The following AKNAD1 variants were observed in gnomAD, a reference collection of about 807,000 sequenced individuals.
AKNAD1 encodes AKNA domain containing 1, also known as protein AKNAD1.
Under a neutral mutation model 90.8 loss-of-function variants are expected in AKNAD1, and 67 were observed. The ratio of observed to expected loss-of-function variants is 0.74; its 90% confidence interval spans 0.61 to 0.90. The LOEUF (loss-of-function observed/expected upper bound fraction) is 0.90, where lower values mean the gene tolerates loss of function less well. AKNAD1 is among the 40% of genes least tolerant of loss of function. The pLI is 0.00. For synonymous variants in AKNAD1, 327 were observed against 341.4 expected (o/e 0.96, Z 0.46); for missense variants, 957 against 975.4 (o/e 0.98, Z 0.25).
In AKNAD1 at chr1:108,848,902, A is replaced by G. The variant is rs758195443; in HGVS notation, c.1182+10T>C. 1 of 1,599,774 alleles carries G rather than the reference A, an allele frequency of 6.3e-7. No homozygotes were observed. Among genetic ancestry groups the G allele is most frequent in the African/African-American group, 1.3e-5 (1 of 74,090 alleles). ...CTTATATTGTTTATAATAAGCTTTA[A>G]AAGTATTACTTTAGTCTTCAGTTGA... is the stretch of plus-strand genomic sequence containing the variant. On this transcript the variant is annotated intron_variant, in intron 4 of 15. Transcript: ENST00000370001.
intron 10 of AKNAD1, among the ~76,000 whole-genome samples, chr1:108,828,978 T>C (rs1156683523): frequency 6.6e-6 from 1 of 151,886 alleles, no homozygotes; most frequent in Admixed American, 6.6e-5. Context: ...GGGATAAGCA[T>C]ATTTTACATT....
In AKNAD1 at chr1:108,820,505, A is replaced by G. The variant is rs564921516; in HGVS notation, c.2249+40T>C. The G allele has an allele frequency of 2.7e-5, 36 of 1,356,522 alleles. No individual in the cohort carries two copies. In the South Asian group the frequency reaches 3.1e-4, roughly 12 times the overall value. 84.0% of individuals were successfully genotyped at this position (1,356,522 alleles called of 1,614,324 possible). A position where few individuals can be genotyped will look rare whatever the true frequency, so the allele number is the denominator to read the frequency against. On this transcript the variant is annotated intron_variant, in intron 14 of 15. Transcript: ENST00000370001. ...CAAGTACACTGTATCCACCCAACCA[A>G]TGAGAAATATTTTGTTACTGATAAT...
chr1:108,849,515 A>C, intron 3 of AKNAD1, 22 bp downstream of exon 3: 1 of 1,464,150 alleles, frequency 6.8e-7, no homozygotes, highest in Non-Finnish European at 9.6e-7. Context: ...TATATCTCAA[A>C]GAAGTTTTAA....
intron 14 of AKNAD1, among the ~76,000 whole-genome samples, chr1:108,819,751 A>T (rs79032396): frequency 5.8e-4 from 61 of 105,448 alleles, no homozygotes; most frequent in South Asian, 6.8e-4. Flanking sequence ...GTCTCTACAA[A>T]TTTTTTTTTT....
chr1:108,854,216 C>T (rs114641389), intron 1 of AKNAD1, among the ~76,000 whole-genome samples: 2,125 of 152,262 alleles, frequency 0.014, 32 homozygotes, highest in South Asian at 0.058. Flanking sequence ...TTAAAGCACC[C>T]ATTCAGATAT....
At chr1:108,853,432 G>C (rs997502773) in intron 1 of AKNAD1, among the ~76,000 whole-genome samples, 1 of 151,598 alleles carries the variant, frequency 6.6e-6, no homozygotes, top group African/African-American at 2.4e-5. Flanking sequence ...CGCCCGGCCT[G>C]ATTTTTTTTT....
At chr1:108,854,565 C>CA (rs1389337373) in intron 1 of AKNAD1, among the ~76,000 whole-genome samples, 4 of 152,112 alleles carry the variant, frequency 2.6e-5, no homozygotes, top group Admixed American at 6.5e-5. Context: ...AGACATTGTA[C>CA]AAAAATCTTA....
At chr1:108,820,475 A>G (rs1663775889) in intron 14 of AKNAD1, 70 bp downstream of exon 14, 4 of 987,926 alleles carry the variant, frequency 4.0e-6, no homozygotes, top group African/African-American at 1.6e-5. Flanking sequence ...TAGTTAATGC[A>G]CTATCAAGTA....
chr1:108,851,574 G>A, intron 2 of AKNAD1, 98 bp downstream of exon 2: 3 of 1,241,808 alleles, frequency 2.4e-6, no homozygotes, highest in East Asian at 2.4e-5. Context: ...TGAAACTTTG[G>A]AACTAGAACC....
At chr1:108,828,929 A>G (rs1263035677) in intron 10 of AKNAD1, among the ~76,000 whole-genome samples, 1 of 151,884 alleles carries the variant, frequency 6.6e-6, no homozygotes, top group Non-Finnish European at 1.5e-5. Context: ...GCTAAAGTAC[A>G]CACTTAAATC....
At chr1:108,846,335 A>G (rs1664699465) in intron 5 of AKNAD1, among the ~76,000 whole-genome samples, 1 of 152,170 alleles carries the variant, frequency 6.6e-6, no homozygotes, top group Non-Finnish European at 1.5e-5. Flanking sequence ...AACCTCCCGC[A>G]TCCAGGCTTC....
At chr1:108,834,606 C>A in intron 8 of AKNAD1, 78 bp from the exon 9 acceptor site, 2 of 1,363,688 alleles carry the variant, frequency 1.5e-6, no homozygotes, top group Admixed American at 2.1e-5. Flanking sequence ...TATTTGGAAT[C>A]ACTTGGCATC....
chr1:108,832,218 T>C (rs1664223064), intron 9 of AKNAD1, among the ~76,000 whole-genome samples: 1 of 146,494 alleles, frequency 6.8e-6, no homozygotes, highest in Admixed American at 6.8e-5. Flanking sequence ...GTTCTTTTTT[T>C]TTTTTTTTTT....
intron 13 of AKNAD1, among the ~76,000 whole-genome samples, chr1:108,822,062 G>A (rs1391433511): frequency 2.0e-5 from 3 of 152,076 alleles, no homozygotes; most frequent in Non-Finnish European, 4.4e-5. Flanking sequence ...TGATGAAGAG[G>A]CACTAATGAG....
chr1:108,843,642 G>A (rs1393472751), intron 5 of AKNAD1, among the ~76,000 whole-genome samples: 1 of 152,174 alleles, frequency 6.6e-6, no homozygotes, highest in African/African-American at 2.4e-5. Flanking sequence ...CATCAATGTT[G>A]TAAATGTAGT....
chr1:108,851,714 T>C lies in AKNAD1; in HGVS notation c.951A>G (p.Gln317=). 6.2e-7 allele frequency: 1 copy of C among 1,601,868 alleles called. No individual in the cohort carries two copies. ...PESNCVEKQH[Q]EQKGKITEPS... ...GTTCAGTGATTTTCCCTTTCTGCTC[T>C]TGATGTTGTTTTTCAACACAGTTTG... Residue 317 remains glutamine, a synonymous_variant, in exon 2 of 16, where the codon CAA becomes CAG. Coordinates refer to ENST00000370001, the MANE Select transcript of AKNAD1 (RefSeq NM_152763.5).
intron 6 of AKNAD1, among the ~76,000 whole-genome samples, chr1:108,839,310 C>G (rs1442684086): frequency 6.6e-6 from 1 of 151,912 alleles, no homozygotes; most frequent in Admixed American, 6.6e-5. Flanking sequence ...ATGGTGAAAC[C>G]CCGTCTCTAC....
At chr1:108,855,878 CT>C (rs540099927) in intron 1 of AKNAD1, among the ~76,000 whole-genome samples, 4,591 of 127,036 alleles carry the variant, frequency 0.036, 76 homozygotes, top group Non-Finnish European at 0.052. Context: ...AACAGAGTAT[CT>C]TTTTTTTTTT....
intron 10 of AKNAD1, among the ~76,000 whole-genome samples, chr1:108,827,792 T>G (rs375441351): frequency 3.0e-5 from 4 of 131,234 alleles, no homozygotes; most frequent in Non-Finnish European, 6.3e-5. Flanking sequence ...CCAGCCTGGG[T>G]GACAGAGCGA....
Sources: allele counts gnomAD v4.1 joint callset (sites outside exome capture counted in the v4.1 genomes callset), GRCh38; gene constraint gnomAD v4.1.1; transcripts MANE v1.5; gene names NCBI Gene and HGNC (gene_info 2026-07-23, HGNC 2026-07-21).